The following SLC35F3 variants were observed in gnomAD, a reference collection of about 807,000 sequenced individuals.
SLC35F3 encodes the protein solute carrier family 35 member F3, also known as putative thiamine transporter SLC35F3.
In SLC35F3, 25 loss-of-function variants were observed where a neutral mutation model predicts 49.9. That is an observed-to-expected ratio of 0.50 (90% CI 0.37 to 0.70). SLC35F3 has a LOEUF of 0.70. SLC35F3 is among the 30% of genes least tolerant of loss of function. The pLI, the probability that SLC35F3 is intolerant of heterozygous loss-of-function variation, is 0.00. For synonymous variants in SLC35F3, 275 were observed against 265.4 expected (o/e 1.04, Z -0.35); for missense variants, 525 against 639.8 (o/e 0.82, Z 1.94).
chr1:234,208,633 G>A lies in SLC35F3; in HGVS notation c.284-22784G>A, dbSNP rs190781060. 3.6e-3 allele frequency among the ~76,000 whole-genome samples: 541 copies of A among 152,150 alleles called. 12 individuals are homozygous for A. Among genetic ancestry groups the A allele is most frequent in the Admixed American group, 0.029 (437 of 15,290 alleles). ...TAGGACTCCTTTTTTACTGCCTTTC[G>A]CTGTGGTTTGCATGTGAGGAGTTGG... On this transcript the variant is annotated intron_variant, in intron 2 of 7. Coordinates refer to ENST00000366618, the MANE Select transcript of SLC35F3 (RefSeq NM_173508.4).
intron 2 of SLC35F3, among the ~76,000 whole-genome samples, chr1:234,225,313 C>G (rs1202220202): frequency 2.0e-5 from 3 of 151,436 alleles, no homozygotes; most frequent in African/African-American, 7.3e-5. Flanking sequence ...TTGCAAATGG[C>G]CATAAACAAA....
At chr1:234,181,338 GAAAA>G (rs34757532) in intron 2 of SLC35F3, among the ~76,000 whole-genome samples, 1 of 97,310 alleles carries the variant, frequency 1.0e-5, no homozygotes, top group Non-Finnish European at 2.1e-5. Context: ...TCTGTCTCAA[GAAAA>G]AAAAAAAAAA....
chr1:234,219,997 G>A (rs557424159), intron 2 of SLC35F3, among the ~76,000 whole-genome samples: 1 of 152,330 alleles, frequency 6.6e-6, no homozygotes, highest in East Asian at 1.9e-4. Flanking sequence ...GTAGTGATCA[G>A]AAGAAGCAGG....
In SLC35F3 at chr1:234,266,886, T is replaced by TA. The variant is rs1553259699; in HGVS notation, c.608+35145_608+35146insA. Among the ~76,000 whole-genome samples, 368 of 149,342 alleles carry TA rather than the reference T, an allele frequency of 2.5e-3. 1 individual carries two copies. The highest frequency in any genetic ancestry group is 8.7e-3 in the African/African-American group (351 of 40,512). On this transcript the variant is annotated intron_variant, in intron 3 of 7. Transcript: ENST00000366618. Reference sequence around the variant, plus strand: ...ATGAAGCACATGGTTTTTTTTTTTTTTTTTTTTTTTTATTGATCATTCTTG... The same window carrying TA: ...ATGAAGCACATGGTTTTTTTTTTTTTATTTTTTTTTTTATTGATCATTCTTG...
At chr1:234,130,455 A>G (rs1665717118) in intron 2 of SLC35F3, among the ~76,000 whole-genome samples, 1 of 103,718 alleles carries the variant, frequency 9.6e-6, no homozygotes, top group African/African-American at 3.1e-5. Flanking sequence ...CCTGGCTAAC[A>G]CGGTGAAACC....
chr1:234,099,686 C>T lies in SLC35F3; in HGVS notation c.284-131731C>T, dbSNP rs562417522. Among the ~76,000 whole-genome samples, 7 of 150,364 alleles carry T rather than the reference C, an allele frequency of 4.7e-5. No individual in the cohort carries two copies. In the South Asian group the frequency reaches 1.3e-3, roughly 27 times the overall value. Reference sequence around the variant, plus strand: ...TTAGTCAAGGAGCAATACAAGAGAACACAGAGTTGCATTCTCTTCCAACAC... The same window carrying T: ...TTAGTCAAGGAGCAATACAAGAGAATACAGAGTTGCATTCTCTTCCAACAC... On this transcript the variant is annotated intron_variant, in intron 2 of 7. Coordinates refer to ENST00000366618, the MANE Select transcript of SLC35F3 (RefSeq NM_173508.4).
chr1:234,146,102 T>A (rs948698728), intron 2 of SLC35F3, among the ~76,000 whole-genome samples: 5 of 152,186 alleles, frequency 3.3e-5, no homozygotes, highest in African/African-American at 1.2e-4. Flanking sequence ...TAAAATTTAA[T>A]CATTTTAATT....
intron 3 of SLC35F3, among the ~76,000 whole-genome samples, chr1:234,244,360 T>C (rs1204130652): frequency 6.6e-6 from 1 of 151,910 alleles, no homozygotes; most frequent in Non-Finnish European, 1.5e-5. Context: ...CCCGGTGGGG[T>C]GCTGGTAGAA....
At chr1:234,235,859 C>G (rs1280394572) in intron 3 of SLC35F3, among the ~76,000 whole-genome samples, 2 of 152,192 alleles carry the variant, frequency 1.3e-5, no homozygotes, top group Non-Finnish European at 2.9e-5. Flanking sequence ...CCTTGCCACC[C>G]AGACTTACGC....
chr1:234,022,582 C>G (rs1194748353), intron 2 of SLC35F3, among the ~76,000 whole-genome samples: 1 of 152,174 alleles, frequency 6.6e-6, no homozygotes. Context: ...TAGAAAATAT[C>G]TTCACAGGGA....
At chr1:234,209,837 T>C (rs1667024567) in intron 2 of SLC35F3, among the ~76,000 whole-genome samples, 1 of 151,768 alleles carries the variant, frequency 6.6e-6, no homozygotes, top group Non-Finnish European at 1.5e-5. Flanking sequence ...GTAAGCTGCA[T>C]GTGAAAAAAA....
chr1:234,269,478 C>A (rs2102973553), intron 3 of SLC35F3, among the ~76,000 whole-genome samples: 1 of 152,314 alleles, frequency 6.6e-6, no homozygotes, highest in East Asian at 1.9e-4. Context: ...CTCCTTCCTG[C>A]AGCCCAGTGT....
chr1:233,996,910 C>T (rs1182650293), intron 2 of SLC35F3, among the ~76,000 whole-genome samples: 3 of 151,396 alleles, frequency 2.0e-5, no homozygotes, highest in African/African-American at 7.4e-5. Flanking sequence ...ATTGGGTGAC[C>T]CTGTGACCCC....
intron 2 of SLC35F3, among the ~76,000 whole-genome samples, chr1:234,094,432 C>A (rs1420935502): frequency 1.3e-5 from 2 of 152,256 alleles, no homozygotes; most frequent in Non-Finnish European, 2.9e-5. Flanking sequence ...ATTTCCCCAG[C>A]CAGGGTCTGC....
chr1:234,032,435 T>C (rs1359223077), intron 2 of SLC35F3, among the ~76,000 whole-genome samples: 1 of 152,174 alleles, frequency 6.6e-6, no homozygotes, highest in Non-Finnish European at 1.5e-5. Context: ...AGTTCTTTAG[T>C]GGTGATCTCT....
intron 2 of SLC35F3, among the ~76,000 whole-genome samples, chr1:234,139,367 C>T (rs867700396): frequency 4.6e-5 from 7 of 152,158 alleles, no homozygotes; most frequent in Admixed American, 6.5e-5. Context: ...AAATGGACAA[C>T]GCAAATTGTA....
intron 2 of SLC35F3, among the ~76,000 whole-genome samples, chr1:234,002,721 T>C (rs1205191264): frequency 6.6e-6 from 1 of 152,200 alleles, no homozygotes; most frequent in Non-Finnish European, 1.5e-5. Flanking sequence ...TTGCTATGCA[T>C]AGCCCACCCT....
At chr1:234,197,471 A>G (rs1666830505) in intron 2 of SLC35F3, among the ~76,000 whole-genome samples, 1 of 152,240 alleles carries the variant, frequency 6.6e-6, no homozygotes, top group African/African-American at 2.4e-5. Context: ...GAGTCAATCA[A>G]TCTCCAGCAC....
At chr1:234,016,315 G>A (rs1663801578) in intron 2 of SLC35F3, among the ~76,000 whole-genome samples, 1 of 152,170 alleles carries the variant, frequency 6.6e-6, no homozygotes, top group African/African-American at 2.4e-5. Context: ...TTTGAAACCA[G>A]TATGTTGAAG....
Sources: allele counts gnomAD v4.1 joint callset (sites outside exome capture counted in the v4.1 genomes callset), GRCh38; gene constraint gnomAD v4.1.1; transcripts MANE v1.5; gene names NCBI Gene and HGNC (gene_info 2026-07-23, HGNC 2026-07-21).